CNTNAP2: variants seen among roughly 807,000 people sequenced by gnomAD.
CNTNAP2 encodes the protein contactin associated protein 2.
Under a neutral mutation model 155.2 loss-of-function variants are expected in CNTNAP2, and 98 were observed. The ratio of observed to expected loss-of-function variants is 0.63; its 90% CI spans 0.54 to 0.75. The LOEUF (loss-of-function observed/expected upper bound fraction) is 0.75, where lower values mean the gene tolerates loss of function less well. CNTNAP2 is among the 30% of genes least tolerant of loss of function. The pLI, the probability that CNTNAP2 is intolerant of heterozygous loss-of-function variation, is 0.00. For synonymous variants in CNTNAP2, 651 were observed against 631.2 expected (o/e 1.03, Z -0.47); for missense variants, 1,727 against 1,688.1 (o/e 1.02, Z -0.40).
At chr7:147,548,657 C>T (rs1289818565) in intron 11 of CNTNAP2, among the ~76,000 whole-genome samples, 2 of 152,164 alleles carry the variant, frequency 1.3e-5, no homozygotes, top group South Asian at 4.1e-4. Context: ...TTGCTTTTGA[C>T]ATTTTTGTCA....
intron 12 of CNTNAP2, among the ~76,000 whole-genome samples, chr7:147,600,139 G>A (rs1800916081): frequency 6.6e-6 from 1 of 152,170 alleles, no homozygotes; most frequent in Admixed American, 6.5e-5. Flanking sequence ...TCATGGGCGT[G>A]TTAAATCCTC....
At chr7:147,771,270 T>G (rs1797464548) in intron 13 of CNTNAP2, among the ~76,000 whole-genome samples, 1 of 152,108 alleles carries the variant, frequency 6.6e-6, no homozygotes, top group African/African-American at 2.4e-5. Context: ...AGGAAAAATC[T>G]TAATAACCTC....
intron 1 of CNTNAP2, among the ~76,000 whole-genome samples, chr7:146,717,918 T>A (rs931484007): frequency 6.6e-6 from 1 of 151,286 alleles, no homozygotes; most frequent in Non-Finnish European, 1.5e-5. Flanking sequence ...GGATGACCAA[T>A]GGCAGTGCCA....
chr7:146,516,653 C>G (rs1797546155), intron 1 of CNTNAP2, among the ~76,000 whole-genome samples: 1 of 151,902 alleles, frequency 6.6e-6, no homozygotes, highest in Non-Finnish European at 1.5e-5. Flanking sequence ...GACTCTGCAA[C>G]TAACCCCTGA....
intron 2 of CNTNAP2, among the ~76,000 whole-genome samples, chr7:146,838,179 A>G (rs1803653856): frequency 6.6e-6 from 1 of 152,180 alleles, no homozygotes; most frequent in East Asian, 1.9e-4. Context: ...ATCATCTTCC[A>G]TATGCCATGA....
chr7:147,664,099 A>G (rs145063766), intron 13 of CNTNAP2, among the ~76,000 whole-genome samples: 3 of 152,358 alleles, frequency 2.0e-5, no homozygotes, highest in African/African-American at 7.2e-5. Flanking sequence ...TATGGCTTCC[A>G]TCACTAAGTA....
chr7:147,604,634 G>A (rs931462158), intron 12 of CNTNAP2, among the ~76,000 whole-genome samples: 1 of 152,118 alleles, frequency 6.6e-6, no homozygotes, highest in Non-Finnish European at 1.5e-5. Context: ...ATTTACCTCT[G>A]TGGAAACTCT....
chr7:147,967,287 T>C (rs73744658), intron 14 of CNTNAP2, among the ~76,000 whole-genome samples: 1,675 of 152,344 alleles, frequency 0.011, 30 homozygotes, highest in African/African-American at 0.038. Context: ...TTATATCATT[T>C]AAAGGAAATA....
At chr7:146,751,575 T>C (rs1321456714) in intron 1 of CNTNAP2, among the ~76,000 whole-genome samples, 2 of 152,162 alleles carry the variant, frequency 1.3e-5, no homozygotes, top group African/African-American at 4.8e-5. Flanking sequence ...GGCTACTAAA[T>C]CTTACATTTT....
At chr7:146,162,209 A>C (rs962410041) in intron 1 of CNTNAP2, among the ~76,000 whole-genome samples, 2 of 152,226 alleles carry the variant, frequency 1.3e-5, no homozygotes, top group Non-Finnish European at 2.9e-5. Flanking sequence ...ATAAACTACC[A>C]TCAGAGTGAA....
chr7:147,678,642 T>C (rs1240297939), intron 13 of CNTNAP2, among the ~76,000 whole-genome samples: 2 of 151,804 alleles, frequency 1.3e-5, no homozygotes, highest in Non-Finnish European at 2.9e-5. Context: ...AATTCTCCCT[T>C]AGTTCTCATA....
intron 21 of CNTNAP2, among the ~76,000 whole-genome samples, chr7:148,297,778 G>C (rs562306696): frequency 1.3e-5 from 2 of 152,272 alleles, no homozygotes; most frequent in African/African-American, 4.8e-5. Context: ...GTTCTGGCCA[G>C]TTTTCTTTTT....
At chr7:147,422,429 ACTG>A in intron 10 of CNTNAP2, among the ~76,000 whole-genome samples, 1 of 151,940 alleles carries the variant, frequency 6.6e-6, no homozygotes, top group Admixed American at 6.6e-5. Context: ...ATGTGTAACT[ACTG>A]ATTATATAAT....
chr7:147,129,412 G>C (rs970667291), intron 7 of CNTNAP2, among the ~76,000 whole-genome samples: 3 of 152,100 alleles, frequency 2.0e-5, no homozygotes, highest in Admixed American at 2.0e-4. Flanking sequence ...TCTGCCTTTT[G>C]TGTGAGTTGG....
intron 15 of CNTNAP2, among the ~76,000 whole-genome samples, chr7:147,979,857 G>A (rs752701741): frequency 3.3e-5 from 5 of 151,778 alleles, no homozygotes; most frequent in African/African-American, 4.8e-5. Context: ...TCCTGACCCC[G>A]GGTGATCCAC....
At chr7:147,412,634 A>G (rs1797124173) in intron 10 of CNTNAP2, among the ~76,000 whole-genome samples, 1 of 152,196 alleles carries the variant, frequency 6.6e-6, no homozygotes, top group Non-Finnish European at 1.5e-5. Context: ...CATTTTTTAT[A>G]GAATGAATGG....
At chr7:146,218,809 G>T (rs906289920) in intron 1 of CNTNAP2, among the ~76,000 whole-genome samples, 4 of 152,086 alleles carry the variant, frequency 2.6e-5, no homozygotes, top group Admixed American at 6.5e-5. Flanking sequence ...GGGAGAATGA[G>T]TCAGATATCC....
intron 1 of CNTNAP2, among the ~76,000 whole-genome samples, chr7:146,167,596 C>A (rs1798330496): frequency 6.6e-6 from 1 of 152,168 alleles, no homozygotes; most frequent in Non-Finnish European, 1.5e-5. Context: ...CTTTGATCTT[C>A]TTCTAGTACA....
intron 3 of CNTNAP2, among the ~76,000 whole-genome samples, chr7:146,905,783 A>C (rs80191864): frequency 0.016 from 2,392 of 152,312 alleles, 66 homozygotes; most frequent in African/African-American, 0.055. Flanking sequence ...AATTTGGTTT[A>C]CGAAGGAGGA....
Sources: allele counts gnomAD v4.1 joint callset (sites outside exome capture counted in the v4.1 genomes callset), GRCh38; gene constraint gnomAD v4.1.1; transcripts MANE v1.5; gene names NCBI Gene and HGNC (gene_info 2026-07-23, HGNC 2026-07-21).